The following CERK variants were observed in gnomAD, a reference collection of about 807,000 sequenced individuals.
CERK encodes ceramide kinase.
CERK carries 39 observed loss-of-function variants against 63.4 expected under a neutral mutation model. That is an observed-to-expected ratio of 0.61 (90% CI 0.48 to 0.80). The LOEUF is 0.80. CERK is among the 30% of genes least tolerant of loss of function. CERK has a pLI of 0.00. For missense variants in CERK, 670 were observed against 714.1 expected (o/e 0.94, Z 0.70); for synonymous variants, 302 against 280.0 (o/e 1.08, Z -0.78).
intron 1 of CERK, among the ~76,000 whole-genome samples, chr22:46,723,483 G>A (rs1012853935): frequency 6.6e-6 from 1 of 151,996 alleles, no homozygotes; most frequent in Admixed American, 6.6e-5. Flanking sequence ...GCCAGGTGTG[G>A]TGGTGTGTGC....
chr22:46,737,780 C>T, intron 1 of CERK, among the ~76,000 whole-genome samples: 1 of 152,058 alleles, frequency 6.6e-6, no homozygotes, highest in Admixed American at 6.5e-5. Flanking sequence ...CTCCACTGCG[C>T]GGCGCTTTGT....
chr22:46,704,499 G>A (rs1172998755), intron 6 of CERK, among the ~76,000 whole-genome samples: 1 of 152,086 alleles, frequency 6.6e-6, no homozygotes, highest in Non-Finnish European at 1.5e-5. Flanking sequence ...AACCAATGAA[G>A]GGCAAATAAC....
chr22:46,712,574 T>C (rs1469896716), intron 3 of CERK, among the ~76,000 whole-genome samples: 3 of 152,186 alleles, frequency 2.0e-5, no homozygotes, highest in Non-Finnish European at 4.4e-5. Flanking sequence ...CTCTCTGCTC[T>C]GAAGGGTGCT....
chr22:46,735,584 C>G (rs1351075457), intron 1 of CERK: 1 of 152,264 alleles, frequency 6.6e-6, no homozygotes, highest in East Asian at 1.9e-4. Context: ...TTGGCTTTGT[C>G]TTTAGCCCAT....
At chr22:46,713,972 C>G (rs1303092500) in intron 3 of CERK, among the ~76,000 whole-genome samples, 2 of 151,990 alleles carry the variant, frequency 1.3e-5, no homozygotes, top group African/African-American at 4.8e-5. Context: ...TCTCGACAAA[C>G]GATCAAAAAA....
chr22:46,705,878 GA>G (rs1177664623), intron 6 of CERK, among the ~76,000 whole-genome samples: 6 of 151,344 alleles, frequency 4.0e-5, no homozygotes, highest in African/African-American at 2.4e-5. Context: ...ACAAAAATAT[GA>G]AAAAAAAGTT....
intron 12 of CERK, 103 bp from the exon 13 acceptor site, chr22:46,687,309 T>C: frequency 2.1e-6 from 1 of 466,168 alleles, no homozygotes; most frequent in South Asian, 2.5e-5. Flanking sequence ...CACGTGTCCC[T>C]CACTCAAAGC....
intron 2 of CERK, 103 bp downstream of exon 2, chr22:46,720,799 A>G: frequency 1.4e-6 from 1 of 698,196 alleles, no homozygotes. Context: ...ATAAAGATAA[A>G]CCAATGCATT....
chr22:46,719,959 G>T, intron 3 of CERK, 127 bp downstream of exon 3: 1 of 1,269,970 alleles, frequency 7.9e-7, no homozygotes, highest in Non-Finnish European at 1.1e-6. Context: ...AAGTCAGCCT[G>T]ACTCATCATG....
At chr22:46,703,275 G>A (rs2082796450) in intron 6 of CERK, among the ~76,000 whole-genome samples, 1 of 152,166 alleles carries the variant, frequency 6.6e-6, no homozygotes, top group African/African-American at 2.4e-5. Flanking sequence ...AGTGACATCT[G>A]TCCCGGAGGC....
intron 12 of CERK, among the ~76,000 whole-genome samples, chr22:46,689,012 C>T (rs1270140250): frequency 6.6e-6 from 1 of 152,262 alleles, no homozygotes; most frequent in East Asian, 1.9e-4. Flanking sequence ...TTATGTGATA[C>T]ATCACAGACT....
Position 46,695,289 on chromosome 22 carries a change from A to G in CERK, c.970T>C (p.Cys324Arg), listed in dbSNP as rs1478020827. 8.1e-6 allele frequency: 13 copies of G among 1,609,694 alleles called. No individual in the cohort carries two copies. The highest frequency in any genetic ancestry group is 1.0e-5 in the Non-Finnish European group (12 of 1,175,942). ...AGGAAGGACACTGTCCCTTCATAGC[A>G]GTGGTGGGAGAGGAAGGTCTTTAAA... Reference protein sequence around the residue: ...SGLKTFLSHHCYEGTVSFLPA... With the variant: ...SGLKTFLSHHRYEGTVSFLPA... Residue 324 changes from cysteine (C) to arginine (R), a missense_variant, in exon 9 of 13, where the codon TGC (cysteine) becomes CGC (arginine). Coordinates refer to ENST00000216264, the MANE Select transcript of CERK (RefSeq NM_022766.6).
rs147477869 is a variant in CERK at position 46,723,119 on chromosome 22, C to G, written c.143-2104G>C. On this transcript the variant is annotated intron_variant, in intron 1 of 12. Transcript: ENST00000216264. ...GACGCCCTGGGGTGAATCCAGGCAC[C>G]TTCTGCCACACTGGACCTGCAGCAA... Among the ~76,000 whole-genome samples the G allele has an allele frequency of 2.1e-3, 326 of 152,298 alleles. 2 individuals carry two copies. Among genetic ancestry groups the G allele is most frequent in the African/African-American group, 7.7e-3 (321 of 41,572 alleles).
chr22:46,701,782 G>A, intron 6 of CERK, 72 bp from the exon 7 acceptor site: 1 of 1,098,522 alleles, frequency 9.1e-7, no homozygotes. Context: ...AATTCAGTGA[G>A]TGGTACCTCA....
intron 1 of CERK, among the ~76,000 whole-genome samples, chr22:46,721,304 T>TA (rs1408106728): frequency 2.0e-5 from 3 of 150,372 alleles, no homozygotes; most frequent in African/African-American, 5.0e-5. Context: ...TATATATATA[T>TA]TTTTTTGAGA....
rs553528779 is a variant in CERK at position 46,685,493 on chromosome 22, C to T, written c.*1641G>A. The T allele has an allele frequency of 6.6e-6, 1 of 152,038 alleles. No homozygotes were observed. The highest frequency in any genetic ancestry group is 1.9e-4 in the East Asian group (1 of 5,186). The allele number at this position is 152,038 out of a possible 1,614,324, so 9.4% of individuals were successfully genotyped here. ...CCTGGCGTGACACCAGGCACACTGC[C>T]GGCTGCACAGGTTGCTGGGCACAGG... On this transcript the variant is annotated 3_prime_UTR_variant, in exon 13 of 13. Transcript: ENST00000216264.
chr22:46,713,426 A>G (rs886601518), intron 3 of CERK, among the ~76,000 whole-genome samples: 7 of 144,946 alleles, frequency 4.8e-5, no homozygotes, highest in East Asian at 2.3e-4. Flanking sequence ...GGAGAATGGC[A>G]TGAACCCGGG....
chr22:46,716,632 A>G (rs1017208367), intron 3 of CERK, among the ~76,000 whole-genome samples: 21 of 152,228 alleles, frequency 1.4e-4, no homozygotes, highest in Non-Finnish European at 7.4e-5. Context: ...CAGTTTCTAC[A>G]CATCATTAAG....
intron 1 of CERK, among the ~76,000 whole-genome samples, chr22:46,727,939 G>T (rs2082927648): frequency 6.6e-6 from 1 of 152,130 alleles, no homozygotes; most frequent in African/African-American, 2.4e-5. Flanking sequence ...AGGAAACAGG[G>T]CTGTGGCATG....
Sources: allele counts gnomAD v4.1 joint callset (sites outside exome capture counted in the v4.1 genomes callset), GRCh38; gene constraint gnomAD v4.1.1; transcripts MANE v1.5; gene names NCBI Gene and HGNC (gene_info 2026-07-23, HGNC 2026-07-21).